Variants in LINGO2 observed in about 807,000 individuals in gnomAD.
The protein encoded by LINGO2 is leucine-rich repeat and immunoglobulin-like domain-containing nogo receptor-interacting protein 2.
Under a neutral mutation model 30.6 loss-of-function variants are expected in LINGO2, and 14 were observed. That is an observed-to-expected ratio of 0.46 (90% confidence interval 0.30 to 0.72). The LOEUF (loss-of-function observed/expected upper bound fraction) is 0.72. Ranked by LOEUF, LINGO2 falls within the 30% of genes least tolerant of loss-of-function variation. The pLI is 0.07. For missense variants in LINGO2, 729 were observed against 751.7 expected, an observed-to-expected ratio of 0.97 and a Z score of 0.35; for synonymous variants, 317 against 288.5, an observed-to-expected ratio of 1.10 and a Z score of -1.00.
the LINGO2 span, among the ~76,000 whole-genome samples, chr9:28,762,160 C>CTAAA: frequency 1.3e-5 from 2 of 151,980 alleles, no homozygotes; most frequent in Non-Finnish European, 2.9e-5. Flanking sequence ...CTGGGGTAGA[C>CTAAA]TAAAACATAA....
intron 2 of LINGO2, among the ~76,000 whole-genome samples, chr9:28,389,694 A>G (rs1821748603): frequency 6.6e-6 from 1 of 152,164 alleles, no homozygotes; most frequent in Non-Finnish European, 1.5e-5. Flanking sequence ...TTCCCACACG[A>G]AACAAACAAA....
chr9:28,576,979 G>C (rs924640771), intron 1 of LINGO2, among the ~76,000 whole-genome samples: 1 of 152,170 alleles, frequency 6.6e-6, no homozygotes, highest in Admixed American at 6.6e-5. Flanking sequence ...GATGGTGACA[G>C]AGATCTGACT....
chr9:28,644,072 T>G (rs1827725148), intron 1 of LINGO2, among the ~76,000 whole-genome samples: 1 of 152,078 alleles, frequency 6.6e-6, no homozygotes, highest in South Asian at 2.1e-4. Flanking sequence ...AGAACCCTTG[T>G]GCACTGTTGG....
At chr9:28,803,126 G>A in the LINGO2 span, among the ~76,000 whole-genome samples, 1 of 151,970 alleles carries the variant, frequency 6.6e-6, no homozygotes, top group Non-Finnish European at 1.5e-5. Flanking sequence ...ATCTTGTTAT[G>A]GGGCTATGCA....
At chr9:28,037,981 T>C (rs1824017395) in intron 4 of LINGO2, among the ~76,000 whole-genome samples, 1 of 152,188 alleles carries the variant, frequency 6.6e-6, no homozygotes. Flanking sequence ...TAAGTAATTT[T>C]CCCAGGATTA....
intron 4 of LINGO2, among the ~76,000 whole-genome samples, chr9:28,085,527 A>G (rs1316855106): frequency 6.6e-6 from 1 of 152,156 alleles, no homozygotes. Flanking sequence ...CTGGTGTATC[A>G]GAAAATAAAC....
chr9:28,246,140 C>T (rs115962572), intron 4 of LINGO2, among the ~76,000 whole-genome samples: 1 of 151,892 alleles, frequency 6.6e-6, no homozygotes, highest in African/African-American at 2.4e-5. Flanking sequence ...GAAATAAGAC[C>T]ACATGCCAGG....
At chr9:27,998,577 G>C (rs535549226) in intron 5 of LINGO2, among the ~76,000 whole-genome samples, 2 of 152,262 alleles carry the variant, frequency 1.3e-5, no homozygotes, top group East Asian at 3.9e-4. Context: ...CCAGGAATTC[G>C]AGACCAGCCT....
chr9:28,515,873 C>A (rs974523602), intron 1 of LINGO2, among the ~76,000 whole-genome samples: 2 of 152,118 alleles, frequency 1.3e-5, no homozygotes, highest in Non-Finnish European at 2.9e-5. Flanking sequence ...ATAGACAAAT[C>A]TTGTGAAAGG....
chr9:28,145,825 G>C (rs1447850665), intron 4 of LINGO2, among the ~76,000 whole-genome samples: 1 of 152,032 alleles, frequency 6.6e-6, no homozygotes, highest in African/African-American at 2.4e-5. Context: ...AGCAAAAGTG[G>C]CAGAAACTAA....
the LINGO2 span, among the ~76,000 whole-genome samples, chr9:28,729,306 A>G: frequency 6.6e-6 from 1 of 152,208 alleles, no homozygotes; most frequent in Non-Finnish European, 1.5e-5. Flanking sequence ...CAAGGTTTAT[A>G]CATGTACTCA....
chr9:28,408,137 G>A (rs1288190005), intron 2 of LINGO2, among the ~76,000 whole-genome samples: 1 of 152,116 alleles, frequency 6.6e-6, no homozygotes, highest in Non-Finnish European at 1.5e-5. Flanking sequence ...ACCAACACTC[G>A]TCTAGGTTCA....
intron 1 of LINGO2, among the ~76,000 whole-genome samples, chr9:28,515,196 A>G (rs1193587245): frequency 7.2e-6 from 1 of 139,336 alleles, no homozygotes; most frequent in Non-Finnish European, 1.5e-5. Flanking sequence ...TTATTTTTTA[A>G]GAAATACATT....
chr9:29,065,144 C>T, the LINGO2 span, among the ~76,000 whole-genome samples: 1 of 152,052 alleles, frequency 6.6e-6, no homozygotes, highest in African/African-American at 2.4e-5. Context: ...GCACATACAG[C>T]AATACTCATT....
intron 4 of LINGO2, among the ~76,000 whole-genome samples, chr9:28,263,645 C>A (rs1230058640): frequency 1.3e-5 from 2 of 151,946 alleles, no homozygotes; most frequent in African/African-American, 4.8e-5. Context: ...TGTGCCACCC[C>A]GCATGGAGGA....
intron 4 of LINGO2, among the ~76,000 whole-genome samples, chr9:28,197,915 C>G (rs1000081397): frequency 6.6e-6 from 1 of 151,602 alleles, no homozygotes; most frequent in Non-Finnish European, 1.5e-5. Context: ...ATGTAAGTTA[C>G]AACTACTGTA....
At chr9:28,848,371 G>A in the LINGO2 span, among the ~76,000 whole-genome samples, 1 of 39,998 alleles carries the variant, frequency 2.5e-5, no homozygotes, top group Non-Finnish European at 4.3e-5. Context: ...TATTGTGTGT[G>A]TGTGTGTGTG....
chr9:29,082,426 A>C, the LINGO2 span, among the ~76,000 whole-genome samples: 1 of 152,218 alleles, frequency 6.6e-6, no homozygotes, highest in Non-Finnish European at 1.5e-5. Flanking sequence ...TACAAAAATT[A>C]ATTCAAGATG....
chr9:28,689,310 C>T, the LINGO2 span, among the ~76,000 whole-genome samples: 5 of 152,194 alleles, frequency 3.3e-5, no homozygotes, highest in African/African-American at 1.2e-4. Flanking sequence ...ATGAATCTGA[C>T]AAATAGCCGA....
Sources: allele counts gnomAD v4.1 joint callset (sites outside exome capture counted in the v4.1 genomes callset), GRCh38; gene constraint gnomAD v4.1.1; transcripts MANE v1.5; gene names NCBI Gene and HGNC (gene_info 2026-07-23, HGNC 2026-07-21).